The following SAMTOR variants were observed in gnomAD, a reference collection of about 807,000 sequenced individuals.
SAMTOR encodes UPF0532 protein C7orf60.
chr7:112,842,319 T>C, the SAMTOR span, among the ~76,000 whole-genome samples: 1,624 of 152,038 alleles, frequency 0.011, 30 homozygotes, highest in African/African-American at 0.037. Context: ...GATGAAGGAA[T>C]AGATTTACTT....
the SAMTOR span, among the ~76,000 whole-genome samples, chr7:112,932,339 A>T: frequency 6.6e-6 from 1 of 152,192 alleles, no homozygotes; most frequent in East Asian, 1.9e-4. Context: ...ATTTACCATT[A>T]TATTTATAGA....
At chr7:112,846,694 CTT>C in the SAMTOR span, among the ~76,000 whole-genome samples, 2 of 152,176 alleles carry the variant, frequency 1.3e-5, no homozygotes, top group Non-Finnish European at 2.9e-5. Flanking sequence ...ATGTGGCCAA[CTT>C]CTAACGAGTA....
At chr7:112,896,423 T>C in the SAMTOR span, among the ~76,000 whole-genome samples, 2 of 152,310 alleles carry the variant, frequency 1.3e-5, no homozygotes, top group Middle Eastern at 3.4e-3. Context: ...CATGCAAAAC[T>C]GGTTTCAGCA....
the SAMTOR span, among the ~76,000 whole-genome samples, chr7:112,916,116 T>C: frequency 6.6e-6 from 1 of 152,216 alleles, no homozygotes; most frequent in Non-Finnish European, 1.5e-5. Flanking sequence ...GAAATTACTT[T>C]GGAAGCCTCT....
the SAMTOR span, among the ~76,000 whole-genome samples, chr7:112,851,630 CA>C: frequency 6.6e-6 from 1 of 151,936 alleles, no homozygotes; most frequent in African/African-American, 2.4e-5. Context: ...GGCATGAATT[CA>C]AAAGCACGAG....
At chr7:112,904,148 C>T in the SAMTOR span, among the ~76,000 whole-genome samples, 38 of 152,126 alleles carry the variant, frequency 2.5e-4, 1 homozygote, top group Middle Eastern at 6.8e-3. Context: ...CACTTTCAAT[C>T]AAGAGAATGA....
At chr7:112,928,871 C>A in the SAMTOR span, among the ~76,000 whole-genome samples, 1 of 151,736 alleles carries the variant, frequency 6.6e-6, no homozygotes, top group Non-Finnish European at 1.5e-5. Flanking sequence ...CCAGTCATAT[C>A]CATTAAGTTC....
chr7:112,825,402 A>G, the SAMTOR span, among the ~76,000 whole-genome samples: 10 of 152,196 alleles, frequency 6.6e-5, no homozygotes, highest in African/African-American at 2.4e-4. Context: ...TTTATGAGCT[A>G]CATATTTCAT....
chr7:112,939,364 T>C, the SAMTOR span: 5 of 622,286 alleles, frequency 8.0e-6, no homozygotes, highest in African/African-American at 1.9e-5. Flanking sequence ...TCAATTCCTT[T>C]ACAGGCCTAG....
the SAMTOR span, among the ~76,000 whole-genome samples, chr7:112,843,389 GATGAGA>G: frequency 6.6e-6 from 1 of 152,048 alleles, no homozygotes; most frequent in South Asian, 2.1e-4. Context: ...TCTAAGTAGT[GATGAGA>G]ATAAGTATTC....
chr7:112,855,483 T>C, the SAMTOR span, among the ~76,000 whole-genome samples: 1,641 of 152,262 alleles, frequency 0.011, 30 homozygotes, highest in African/African-American at 0.037. Flanking sequence ...ATAGAATCTA[T>C]TTCAAGCCTC....
chr7:112,825,708 C>T, the SAMTOR span, among the ~76,000 whole-genome samples: 2 of 152,192 alleles, frequency 1.3e-5, no homozygotes, highest in African/African-American at 2.4e-5. Context: ...ACCTCTAGTA[C>T]AAATGCTAAA....
chr7:112,920,298 C>G, the SAMTOR span, among the ~76,000 whole-genome samples: 1 of 152,094 alleles, frequency 6.6e-6, no homozygotes, highest in Non-Finnish European at 1.5e-5. Flanking sequence ...GTTCAATACA[C>G]GCAAATCAAT....
At chr7:112,885,309 C>T in the SAMTOR span, among the ~76,000 whole-genome samples, 4 of 152,278 alleles carry the variant, frequency 2.6e-5, no homozygotes, top group South Asian at 6.2e-4. Context: ...TTTGGCTCCT[C>T]GTTACCTATG....
the SAMTOR span, among the ~76,000 whole-genome samples, chr7:112,888,393 T>C: frequency 2.6e-5 from 4 of 152,146 alleles, no homozygotes; most frequent in Non-Finnish European, 4.4e-5. Flanking sequence ...TAAATGTTTT[T>C]AAAAAGTCAG....
At chr7:112,869,863 A>C in the SAMTOR span, among the ~76,000 whole-genome samples, 1 of 152,248 alleles carries the variant, frequency 6.6e-6, no homozygotes, top group East Asian at 1.9e-4. Flanking sequence ...ATATTAAGAA[A>C]GAACCAACCA....
At chr7:112,881,031 G>C in the SAMTOR span, among the ~76,000 whole-genome samples, 1 of 152,038 alleles carries the variant, frequency 6.6e-6, no homozygotes, top group African/African-American at 2.4e-5. Flanking sequence ...CTGCAGACCC[G>C]GGCATCCCTG....
At chr7:112,918,661 T>G in the SAMTOR span, among the ~76,000 whole-genome samples, 1 of 152,054 alleles carries the variant, frequency 6.6e-6, no homozygotes, top group African/African-American at 2.4e-5. Flanking sequence ...GCAAATTGGA[T>G]AAAGAGTCAA....
the SAMTOR span, among the ~76,000 whole-genome samples, chr7:112,836,326 TG>T: frequency 2.6e-5 from 4 of 152,090 alleles, no homozygotes; most frequent in Non-Finnish European, 5.9e-5. Flanking sequence ...TACTTTTTAA[TG>T]GGGTTGTTTT....
Sources: gnomAD v4.1 joint callset for allele counts (sites outside exome capture counted in the v4.1 genomes callset) on GRCh38, gnomAD v4.1.1 for gene constraint, MANE v1.5 for transcripts, NCBI Gene and HGNC (gene_info 2026-07-23, HGNC 2026-07-21) for gene names.